LRRC74A: variants seen among roughly 807,000 people sequenced by gnomAD.
LRRC74A encodes leucine rich repeat containing 74A, also known as leucine-rich repeat-containing protein 74A.
Under a neutral mutation model 57.9 loss-of-function variants are expected in LRRC74A, and 44 were observed. That is an observed-to-expected ratio of 0.76 (90% CI 0.60 to 0.98). The LOEUF is 0.98. Ranked by LOEUF, LRRC74A falls within the 50% of genes least tolerant of loss-of-function variation. The probability of loss-of-function intolerance (pLI) is 0.00; values close to 1 mark genes in which losing one functional copy is unlikely to be tolerated. For synonymous variants in LRRC74A, 211 were observed against 219.4 expected, an observed-to-expected ratio of 0.96 and a Z score of 0.34; for missense variants, 572 against 574.0, an observed-to-expected ratio of 1.00 and a Z score of 0.04.
At chr14:76,840,460 T>A (rs574048747) in intron 5 of LRRC74A, among the ~76,000 whole-genome samples, 2 of 152,212 alleles carry the variant, frequency 1.3e-5, no homozygotes, top group South Asian at 4.1e-4. Context: ...GCATCATCAA[T>A]GTAATAATTG....
intron 11 of LRRC74A, among the ~76,000 whole-genome samples, chr14:76,863,328 G>A (rs1224541574): frequency 6.6e-6 from 1 of 152,076 alleles, no homozygotes; most frequent in Admixed American, 6.6e-5. Flanking sequence ...TGGGGAAAGT[G>A]CCTGCCACCT....
At chr14:76,864,652 A>G (rs1199460517) in intron 11 of LRRC74A, among the ~76,000 whole-genome samples, 1 of 152,100 alleles carries the variant, frequency 6.6e-6, no homozygotes, top group Non-Finnish European at 1.5e-5. Context: ...TCAGAAGTTC[A>G]AGACCAGCCT....
At chr14:76,836,635 A>G (rs1377244742) in intron 4 of LRRC74A, among the ~76,000 whole-genome samples, 4 of 152,034 alleles carry the variant, frequency 2.6e-5, no homozygotes, top group Non-Finnish European at 4.4e-5. Flanking sequence ...CCCCGTCTCT[A>G]CTAAAAGTAC....
chr14:76,842,498 A>G (rs1465837844), intron 5 of LRRC74A, among the ~76,000 whole-genome samples: 1 of 152,240 alleles, frequency 6.6e-6, no homozygotes, highest in African/African-American at 2.4e-5. Flanking sequence ...AATTTCACAA[A>G]TAATTCTCTT....
At chr14:76,849,713 G>A (rs1238304749) in intron 7 of LRRC74A, among the ~76,000 whole-genome samples, 2 of 146,170 alleles carry the variant, frequency 1.4e-5, no homozygotes, top group Admixed American at 1.4e-4. Flanking sequence ...TGAGGCAGGA[G>A]AATCACTTGA....
chr14:76,856,838 G>A (rs1897928158), intron 9 of LRRC74A, among the ~76,000 whole-genome samples: 1 of 151,654 alleles, frequency 6.6e-6, no homozygotes. Flanking sequence ...ATGAGAGGTG[G>A]ATGGATGAGG....
chr14:76,844,964 C>T (rs1225192157), intron 7 of LRRC74A, 63 bp downstream of exon 7: 20 of 804,198 alleles, frequency 2.5e-5, no homozygotes, highest in Middle Eastern at 2.3e-4. Context: ...CTTGGCAGAG[C>T]GGAATCTCCC....
In LRRC74A at chr14:76,831,311, A is replaced by G. The variant is rs557701075; in HGVS notation, c.275A>G (p.Tyr92Cys). The change falls in exon 3 of 14, where the codon TAC becomes TGC. Residue 92 changes from tyrosine to cysteine, a missense_variant. Coordinates refer to ENST00000689127, the MANE Select transcript of LRRC74A (RefSeq NM_001385106.1). Reference protein sequence around the residue: ...SYFIRNMEESYVNLNHHGLGP... With the variant: ...SYFIRNMEESCVNLNHHGLGP... ...TTCATTCGGAACATGGAGGAGTCCT[A>G]CGTGAACCTCAACCACCACGGCCTG... 72 of 1,613,958 alleles carry G rather than the reference A, an allele frequency of 4.5e-5. 1 individual carries two copies. In the South Asian group the frequency reaches 7.6e-4, roughly 17 times the overall value.
intron 3 of LRRC74A, among the ~76,000 whole-genome samples, chr14:76,833,322 G>C (rs1266639587): frequency 2.0e-5 from 3 of 152,062 alleles, no homozygotes; most frequent in Non-Finnish European, 4.4e-5. Flanking sequence ...GTTGCTAGAA[G>C]GTATAGTAGT....
intron 3 of LRRC74A, among the ~76,000 whole-genome samples, chr14:76,835,827 C>A (rs1896290509): frequency 6.6e-6 from 1 of 152,176 alleles, no homozygotes; most frequent in African/African-American, 2.4e-5. Flanking sequence ...CTTTAAAGGA[C>A]CTCCTTGCAA....
intron 3 of LRRC74A, among the ~76,000 whole-genome samples, chr14:76,832,808 A>G (rs1182753232): frequency 6.9e-6 from 1 of 145,524 alleles, no homozygotes; most frequent in African/African-American, 2.6e-5. Flanking sequence ...TGAACATTTC[A>G]CAATGCTGCA....
chr14:76,850,379 G>A (rs1398798255), intron 7 of LRRC74A, among the ~76,000 whole-genome samples: 1 of 152,062 alleles, frequency 6.6e-6, no homozygotes, highest in Non-Finnish European at 1.5e-5. Context: ...GGTGTGCAAG[G>A]TGTAGCTTAA....
At chr14:76,848,901 C>T (rs914519802) in intron 7 of LRRC74A, among the ~76,000 whole-genome samples, 1 of 152,068 alleles carries the variant, frequency 6.6e-6, no homozygotes, top group African/African-American at 2.4e-5. Context: ...GGTGCGGGTG[C>T]AGTAAGTGGG....
intron 4 of LRRC74A, among the ~76,000 whole-genome samples, chr14:76,836,970 G>A (rs1300395207): frequency 6.6e-6 from 1 of 151,624 alleles, no homozygotes; most frequent in East Asian, 1.9e-4. Flanking sequence ...GTGGAACCCC[G>A]CCTCTACTAA....
chr14:76,865,376 A>G (rs1021525342), intron 11 of LRRC74A, among the ~76,000 whole-genome samples: 2 of 152,188 alleles, frequency 1.3e-5, no homozygotes. Flanking sequence ...TCCCTTGCAC[A>G]TATCAAGGGA....
intron 2 of LRRC74A, among the ~76,000 whole-genome samples, chr14:76,830,770 C>T (rs901001075): frequency 2.6e-5 from 4 of 152,152 alleles, no homozygotes; most frequent in African/African-American, 7.2e-5. Context: ...GTGATAGTGG[C>T]GGTGAAACTA....
At position 76,857,441 on chromosome 14, in the gene LRRC74A, A is replaced by G; in HGVS notation, c.1019A>G (p.Asn340Ser). 1 of 1,586,870 alleles carries G rather than the reference A, an allele frequency of 6.3e-7. No homozygotes were observed. Among genetic ancestry groups the G allele is most frequent in the Non-Finnish European group, 8.6e-7 (1 of 1,165,236 alleles). Residue 340 changes from asparagine (N) to serine (S), a missense_variant, in exon 10 of 14, where the codon AAC becomes AGC. By Grantham distance (46) the Asn-to-Ser change is conservative (BLOSUM62 1). Transcript: ENST00000689127. The part of the protein sequence containing the change: ...AILLILAIKR[N>S]PKSRMEELDI... ...TTACTTATCCTGGCTATCAAGAGGA[A>G]CCCCAAATCCAGGATGGAAGAGCTT...
intron 10 of LRRC74A, among the ~76,000 whole-genome samples, chr14:76,858,553 C>T (rs1342772923): frequency 6.6e-6 from 1 of 152,048 alleles, no homozygotes; most frequent in Non-Finnish European, 1.5e-5. Context: ...TGGGAGGGGG[C>T]AAAATTCAAC....
At chr14:76,852,314 T>C in intron 7 of LRRC74A, 51 bp from the exon 8 acceptor site, 7 of 1,426,506 alleles carry the variant, frequency 4.9e-6, no homozygotes, top group Non-Finnish European at 6.8e-6. Flanking sequence ...ACTCTGAGAA[T>C]GGGTTTTCTG....
Sources: allele counts gnomAD v4.1 joint callset (sites outside exome capture counted in the v4.1 genomes callset), GRCh38; gene constraint gnomAD v4.1.1; transcripts MANE v1.5; gene names NCBI Gene and HGNC (gene_info 2026-07-23, HGNC 2026-07-21).